MGST1: variants seen among roughly 807,000 people sequenced by gnomAD.
MGST1 encodes glutathione S-transferase 12.
MGST1 carries 5 observed loss-of-function variants against 8.9 expected under a neutral mutation model. The observed-to-expected ratio is 0.56, with a 90% CI of 0.29 to 1.19. The LOEUF is 1.19. Among genes scored for constraint, MGST1 ranks in the 50% most tolerant of loss-of-function variants. The pLI, the probability that MGST1 is intolerant of heterozygous loss-of-function variation, is 0.08. For synonymous variants in MGST1, 54 were observed against 67.8 expected (o/e 0.80, Z 1.00); for missense variants, 182 against 187.4 (o/e 0.97, Z 0.17).
rs529341029 is a variant in MGST1, at chr12:16,555,850, G to T, written n.483-33678G>T. On this transcript the variant is annotated intron_variant and non_coding_transcript_variant, in intron 4 of 4. Transcript: ENST00000538857. The surrounding 1 kb of genome is among the most constrained non-coding windows in gnomAD (Gnocchi z 5.5). The stretch of plus-strand genomic sequence containing the variant: ...CCCTCATCTTCCCCAACCCCGAGCA[G>T]ACACACTTCCTGTAAGTCAACCAGT... Among the ~76,000 whole-genome samples, 4 of 152,224 alleles carry T rather than the reference G, an allele frequency of 2.6e-5. No homozygotes were observed. In the South Asian group the frequency reaches 8.3e-4, roughly 32 times the overall value.
intron 3 of MGST1, among the ~76,000 whole-genome samples, chr12:16,375,816 C>A (rs1255612446): frequency 1.3e-5 from 2 of 151,582 alleles, no homozygotes; most frequent in East Asian, 2.0e-4. Context: ...CAAGCAGATG[C>A]AGGCAATGTG....
intron 4 of MGST1, among the ~76,000 whole-genome samples, chr12:16,512,960 G>A (rs1941586078): frequency 6.6e-6 from 1 of 152,168 alleles, no homozygotes; most frequent in African/African-American, 2.4e-5. Flanking sequence ...GGGGAATGGA[G>A]TTTAGTAACT....
At chr12:16,564,144 T>G (rs575919888) in intron 4 of MGST1, among the ~76,000 whole-genome samples, 3 of 152,322 alleles carry the variant, frequency 2.0e-5, no homozygotes, top group African/African-American at 7.2e-5. Context: ...TACCTCATTT[T>G]GTCTATCTAA....
rs1942317214 is a variant in MGST1 at position 16,559,688 on chromosome 12, T to C, written n.483-29840T>C. ...TAGATTGGGTGGGGGTGGTGGCTCATGCCTATAATCCCTGCACTTTGGGAG... is the reference window on the plus strand; with the variant it reads ...TAGATTGGGTGGGGGTGGTGGCTCACGCCTATAATCCCTGCACTTTGGGAG... On this transcript the variant is annotated intron_variant and non_coding_transcript_variant, in intron 4 of 4. Coordinates refer to the MGST1 transcript ENST00000538857. This position sits in a 1 kb window ranked among gnomAD's most constrained non-coding sequence, Gnocchi z 4.1. Among the ~76,000 whole-genome samples the C allele has an allele frequency of 6.6e-6, 1 of 152,004 alleles. No homozygotes were observed. The highest frequency in any genetic ancestry group is 1.5e-5 in the Non-Finnish European group (1 of 68,002).
downstream of MGST1, among the ~76,000 whole-genome samples, chr12:16,379,173 T>G (rs1420014373): frequency 9.2e-5 from 14 of 152,202 alleles, no homozygotes; most frequent in Non-Finnish European, 1.0e-4. Context: ...GGCCAGAACT[T>G]CCAACACTAT....
intron 1 of MGST1, among the ~76,000 whole-genome samples, chr12:16,434,135 T>A (rs919612325): frequency 6.6e-6 from 1 of 152,048 alleles, no homozygotes; most frequent in Non-Finnish European, 1.5e-5. Flanking sequence ...TTCATCTGGA[T>A]CAGTAAGAAT....
rs180949532 is a variant in MGST1, at chr12:16,542,964, G to A, written n.483-46564G>A. Among the ~76,000 whole-genome samples, 6 of 152,286 alleles carry A rather than the reference G, an allele frequency of 3.9e-5. No homozygotes were observed. In the East Asian group the frequency reaches 1.2e-3, roughly 29 times the overall value. On this transcript the variant is annotated intron_variant and non_coding_transcript_variant, in intron 4 of 4. Coordinates refer to the MGST1 transcript ENST00000538857. ...TCAAGACTAAAGGTAAATGTCAATT[G>A]TGATGCCTTTTCTAATGTGCCCAGA...
At chr12:16,465,949 T>G (rs138047278) in intron 4 of MGST1, among the ~76,000 whole-genome samples, 1 of 152,188 alleles carries the variant, frequency 6.6e-6, no homozygotes, top group East Asian at 1.9e-4. Context: ...CCTTTGGCCC[T>G]TTTTTCTTTG....
downstream of MGST1, among the ~76,000 whole-genome samples, chr12:16,365,694 C>T (rs544901664): frequency 2.6e-5 from 4 of 152,170 alleles, no homozygotes; most frequent in East Asian, 5.8e-4. Context: ...GGGAAAAGTC[C>T]GAAACCCATG....
chr12:16,565,756 A>G (rs1472993010), intron 4 of MGST1, among the ~76,000 whole-genome samples: 1 of 151,742 alleles, frequency 6.6e-6, no homozygotes, highest in Non-Finnish European at 1.5e-5. Context: ...ATTGCAAATG[A>G]GTACAGCCAT....
At chr12:16,461,981 T>G (rs977259089) in intron 4 of MGST1, among the ~76,000 whole-genome samples, 1 of 152,104 alleles carries the variant, frequency 6.6e-6, no homozygotes, top group African/African-American at 2.4e-5. Context: ...TTCATGTGAT[T>G]TGAGGATATA....
In MGST1 at chr12:16,566,727, A is replaced by T. The variant is rs144301384; in HGVS notation, n.483-22801A>T. Among the ~76,000 whole-genome samples the T allele has an allele frequency of 5.0e-3, 764 of 152,264 alleles. 8 individuals carry two copies. The highest frequency in any genetic ancestry group is 0.018 in the African/African-American group (743 of 41,556). ...TTATTAACACATACAGATCATGCCA[A>T]AACAGAAACATAAAAGCCATTTGCT... On this transcript the variant is annotated intron_variant and non_coding_transcript_variant, in intron 4 of 4. Coordinates refer to the MGST1 transcript ENST00000538857.
At position 16,376,124 on chromosome 12, in the gene MGST1, TCAAA is replaced by T; in HGVS notation, c.230_233del (p.Gln77ProfsTer2). The T allele has an allele frequency of 7.6e-7, 1 of 1,324,150 alleles. No homozygotes were observed. The highest frequency in any genetic ancestry group is 1.0e-6 in the Non-Finnish European group (1 of 964,750). 82.0% of individuals were successfully genotyped at this position (1,324,150 alleles called of 1,614,324 possible). On this transcript the variant is annotated frameshift_variant, in exon 4 of 4. Transcript: ENST00000535309. LOFTEE classifies it high-confidence loss of function. ...CTTATTTTTTTTTAATTGTTTAGAA[TCAAA>T]CAAACCCTGAGCATTTATCTTGCCT...
intron 1 of MGST1, among the ~76,000 whole-genome samples, chr12:16,394,513 C>CTTT (rs1940584541): frequency 2.6e-4 from 22 of 84,476 alleles, no homozygotes; most frequent in African/African-American, 7.6e-4. Flanking sequence ...TCTTTCTCTC[C>CTTT]CTTTCTTTCT....
At position 16,550,549 on chromosome 12, in the gene MGST1, T is replaced by G. The variant is rs535101506; in HGVS notation, n.483-38979T>G. ...AAATGAAAGTGCTTTAAGATGAAAT[T>G]TTTATGTATTTTTTTAAAGCTGATT... On this transcript the variant is annotated intron_variant and non_coding_transcript_variant, in intron 4 of 4. Coordinates refer to the MGST1 transcript ENST00000538857. 3.9e-5 allele frequency: 6 copies of G among 152,414 alleles called. No homozygotes were observed. The South Asian group carries it at 8.3e-4, about 21-fold the overall frequency. The allele number at this position is 152,414 out of a possible 1,614,324, so 9.4% of individuals were successfully genotyped here. A position where few individuals can be genotyped will look rare whatever the true frequency, so the allele number is the denominator to read the frequency against.
intron 1 of MGST1, chr12:16,399,292 TG>T (rs1565447244): frequency 6.2e-7 from 1 of 1,605,984 alleles, no homozygotes; most frequent in Non-Finnish European, 8.5e-7. Context: ...CTCTTTTTCT[TG>T]GGGGGTGCAG....
intron 4 of MGST1, among the ~76,000 whole-genome samples, chr12:16,571,181 G>A (rs1942801843): frequency 6.6e-6 from 1 of 151,960 alleles, no homozygotes; most frequent in South Asian, 2.1e-4. Context: ...GTCACCTATT[G>A]TATAAGTTAA....
chr12:16,452,652 T>C (rs1181446700), intron 4 of MGST1, among the ~76,000 whole-genome samples: 1 of 151,882 alleles, frequency 6.6e-6, no homozygotes, highest in African/African-American at 2.4e-5. Context: ...CCTGGCAAGT[T>C]TGGCAGTATT....
downstream of MGST1, among the ~76,000 whole-genome samples, chr12:16,590,335 T>C (rs1343373922): frequency 6.6e-6 from 1 of 152,102 alleles, no homozygotes; most frequent in African/African-American, 2.4e-5. Context: ...ATCAAGAATG[T>C]AATTCACGAA....
Sources: gnomAD v4.1 joint callset for allele counts (sites outside exome capture counted in the v4.1 genomes callset) on GRCh38, gnomAD v4.1.1 for gene constraint, Gnocchi (gnomAD v3.1) non-coding constraint, MANE v1.5 for transcripts, NCBI Gene and HGNC (gene_info 2026-07-23, HGNC 2026-07-21) for gene names.